The following CTNNA3 variants were observed in gnomAD, a reference collection of about 807,000 sequenced individuals.
CTNNA3 encodes catenin alpha-3.
In CTNNA3, 76 loss-of-function variants were observed where a neutral mutation model predicts 95.7. The observed-to-expected ratio is 0.79, with a 90% CI of 0.66 to 0.96. The LOEUF is 0.96. Ranked by LOEUF, CTNNA3 falls within the 40% of genes least tolerant of loss-of-function variation. CTNNA3 has a pLI of 0.00. For missense variants in CTNNA3, 1,191 were observed against 1,089.8 expected, an observed-to-expected ratio of 1.09 and a Z score of -1.31; for synonymous variants, 431 against 374.4, an observed-to-expected ratio of 1.15 and a Z score of -1.74.
At chr10:66,086,815 T>C (rs1903882) in intron 14 of CTNNA3, among the ~76,000 whole-genome samples, 6,914 of 152,160 alleles carry the variant, frequency 0.045, 231 homozygotes, top group East Asian at 0.2. Flanking sequence ...TCACAAGTGA[T>C]GTGAGAGGTG....
chr10:67,162,974 G>A (rs961174311), intron 7 of CTNNA3, among the ~76,000 whole-genome samples: 1 of 151,826 alleles, frequency 6.6e-6, no homozygotes, highest in African/African-American at 2.4e-5. Context: ...TAATTATTAA[G>A]GAAGTGGAAT....
Position 66,927,160 on chromosome 10 carries a change from A to T in CTNNA3, c.1048-151636T>A. ...TCAAAAACTTAAGTATAATCAATTT[A>T]AAGGGCTCAACCAGCTCACCTGGCT... On this transcript the variant is annotated intron_variant, in intron 7 of 17. Transcript: ENST00000433211. This position sits in a 1 kb window ranked among gnomAD's most constrained non-coding sequence, Gnocchi z 4.7. 6.2e-7 allele frequency: 1 copy of T among 1,614,202 alleles called. No homozygotes were observed.
intron 5 of CTNNA3, among the ~76,000 whole-genome samples, chr10:67,283,824 G>A (rs114712632): frequency 0.012 from 1,749 of 151,978 alleles, 32 homozygotes; most frequent in African/African-American, 0.04. Context: ...AGGTTGCTGC[G>A]GACCTGTTTG....
intron 7 of CTNNA3, among the ~76,000 whole-genome samples, chr10:67,068,145 C>G (rs1856205350): frequency 6.6e-6 from 1 of 151,942 alleles, no homozygotes. Context: ...GAGAGCTAAA[C>G]TAAGCTGAGT....
chr10:67,555,062 T>A (rs1242765859), intron 3 of CTNNA3, among the ~76,000 whole-genome samples: 2 of 152,194 alleles, frequency 1.3e-5, no homozygotes, highest in Non-Finnish European at 2.9e-5. Flanking sequence ...ATCAGAATAT[T>A]GTACATGTGC....
chr10:66,397,609 A>G (rs778631171), intron 11 of CTNNA3, among the ~76,000 whole-genome samples: 3 of 151,780 alleles, frequency 2.0e-5, no homozygotes, highest in Non-Finnish European at 3.0e-5. Flanking sequence ...AGGTGTAGAG[A>G]AATTTCAAGA....
chr10:66,680,814 G>C (rs1847041074), intron 9 of CTNNA3, among the ~76,000 whole-genome samples: 1 of 152,182 alleles, frequency 6.6e-6, no homozygotes, highest in African/African-American at 2.4e-5. Context: ...ACCAAGGTAA[G>C]AATGAGCTTG....
chr10:67,467,117 G>A (rs941363509), intron 5 of CTNNA3, among the ~76,000 whole-genome samples: 5 of 151,996 alleles, frequency 3.3e-5, no homozygotes, highest in African/African-American at 9.7e-5. Context: ...CAGCCTGGGA[G>A]ACAGAGTGAG....
At chr10:66,815,225 C>A (rs1487292223) in intron 7 of CTNNA3, among the ~76,000 whole-genome samples, 2 of 152,090 alleles carry the variant, frequency 1.3e-5, no homozygotes, top group African/African-American at 4.8e-5. Flanking sequence ...CAAAGACTTG[C>A]ATCAAAATCT....
At chr10:66,647,511 C>CTT (rs59117038) in intron 9 of CTNNA3, among the ~76,000 whole-genome samples, 2 of 146,484 alleles carry the variant, frequency 1.4e-5, no homozygotes, top group Non-Finnish European at 1.5e-5. Flanking sequence ...AAAAATTACT[C>CTT]TTTTTTTTTT....
intron 15 of CTNNA3, among the ~76,000 whole-genome samples, chr10:66,034,793 C>T (rs767170730): frequency 7.3e-4 from 111 of 152,100 alleles, no homozygotes; most frequent in African/African-American, 2.5e-3. Context: ...AGACACCACC[C>T]GTAAGCAAAA....
intron 9 of CTNNA3, among the ~76,000 whole-genome samples, chr10:66,752,425 C>G (rs1451613189): frequency 6.6e-6 from 1 of 152,094 alleles, no homozygotes; most frequent in Non-Finnish European, 1.5e-5. Flanking sequence ...TTATTTCACA[C>G]CACTAATTAA....
intron 7 of CTNNA3, chr10:67,097,591 C>G (rs1376092802): frequency 2.5e-6 from 4 of 1,611,750 alleles, no homozygotes; most frequent in Non-Finnish European, 3.4e-6. Context: ...CCCCAGATAC[C>G]TTTATCAATG....
In CTNNA3 at chr10:66,715,991, T is replaced by C. The variant is rs1564635817; in HGVS notation, c.1281+50273A>G. On this transcript the variant is annotated intron_variant, in intron 9 of 17. Coordinates refer to ENST00000433211, the MANE Select transcript of CTNNA3 (RefSeq NM_013266.4). Reference sequence around the variant, plus strand: ...AAAACTGAAATGCATATAAGGAATATCACATTTTAATTTCAGAATATTTCA... The same window carrying C: ...AAAACTGAAATGCATATAAGGAATACCACATTTTAATTTCAGAATATTTCA... Among the ~76,000 whole-genome samples, 3 of 152,228 alleles carry C rather than the reference T, an allele frequency of 2.0e-5. No individual in the cohort carries two copies. In the East Asian group the frequency reaches 5.8e-4, roughly 29 times the overall value.
intron 7 of CTNNA3, among the ~76,000 whole-genome samples, chr10:66,806,756 A>ATATGTG (rs1359507202): frequency 0.013 from 1,824 of 145,756 alleles, 42 homozygotes; most frequent in African/African-American, 0.044. Flanking sequence ...TGTGGCATAT[A>ATATGTG]TGTGTGTGTG....
chr10:67,369,587 A>G (rs555520369), intron 5 of CTNNA3, among the ~76,000 whole-genome samples: 1 of 152,352 alleles, frequency 6.6e-6, no homozygotes. Flanking sequence ...TGTAATTGCA[A>G]GTCATATTAC....
intron 9 of CTNNA3, among the ~76,000 whole-genome samples, chr10:66,633,427 T>G (rs1845216315): frequency 6.6e-6 from 1 of 152,166 alleles, no homozygotes; most frequent in Non-Finnish European, 1.5e-5. Context: ...ACGCCTGTAA[T>G]CCCAGCACTT....
chr10:66,572,443 T>C (rs1024852104), intron 10 of CTNNA3, among the ~76,000 whole-genome samples: 21 of 151,544 alleles, frequency 1.4e-4, no homozygotes, highest in Non-Finnish European at 2.2e-4. Flanking sequence ...CAGGCATACA[T>C]ACCTAGACAA....
chr10:66,815,024 G>A (rs900226381), intron 7 of CTNNA3, among the ~76,000 whole-genome samples: 5 of 151,430 alleles, frequency 3.3e-5, no homozygotes, highest in Non-Finnish European at 5.9e-5. Context: ...GCTAATTTTT[G>A]TATTTTTAGT....
Sources: gnomAD v4.1 joint callset for allele counts (sites outside exome capture counted in the v4.1 genomes callset) on GRCh38, gnomAD v4.1.1 for gene constraint, Gnocchi (gnomAD v3.1) non-coding constraint, MANE v1.5 for transcripts, NCBI Gene and HGNC (gene_info 2026-07-23, HGNC 2026-07-21) for gene names.